The following PATJ variants were observed in gnomAD, a reference collection of about 807,000 sequenced individuals.
PATJ encodes inaD-like protein.
In PATJ, 190 loss-of-function variants were observed where a neutral mutation model predicts 224.9. That is an observed-to-expected ratio of 0.84 (90% CI 0.75 to 0.95). The LOEUF (loss-of-function observed/expected upper bound fraction) is 0.95. PATJ is among the 40% of genes least tolerant of loss of function. The pLI is 0.00. For synonymous variants in PATJ, 769 were observed against 820.3 expected (o/e 0.94, Z 1.07); for missense variants, 2,121 against 2,270.3 (o/e 0.93, Z 1.34).
chr1:62,087,148 T>TGGA (rs1388578321), intron 33 of PATJ, among the ~76,000 whole-genome samples: 1 of 151,530 alleles, frequency 6.6e-6, no homozygotes, highest in East Asian at 1.9e-4. Context: ...TGAAGGATGG[T>TGGA]GGAGAAGAAG....
At chr1:62,138,014 T>C (rs910756699) in intron 41 of PATJ, among the ~76,000 whole-genome samples, 1 of 152,024 alleles carries the variant, frequency 6.6e-6, no homozygotes, top group Non-Finnish European at 1.5e-5. Context: ...CTCCCCCTCT[T>C]TGGGTTGGGA....
chr1:62,132,032 G>A (rs1666320084), intron 41 of PATJ, among the ~76,000 whole-genome samples: 1 of 152,034 alleles, frequency 6.6e-6, no homozygotes, highest in Middle Eastern at 3.2e-3. Context: ...ATTTTCAGTA[G>A]AGATGGGATT....
rs536008608 is a variant in PATJ, at chr1:62,100,404, G to A, written c.4378-8033G>A. 3.8e-4 allele frequency: 273 copies of A among 718,356 alleles called. 2 individuals carry two copies. Among genetic ancestry groups the A allele is most frequent in the Non-Finnish European group, 5.7e-4 (219 of 384,998 alleles). 44.5% of individuals were successfully genotyped at this position (718,356 alleles called of 1,614,324 possible). A position where few individuals can be genotyped will look rare whatever the true frequency, so the allele number is the denominator to read the frequency against. On this transcript the variant is annotated intron_variant, in intron 33 of 43. Transcript: ENST00000642238. ...CATCATCCTGTGACAGAAGTTGAAG[G>A]GCAAGTGAGCACATGAGGCAGAGAG...
At chr1:61,916,368 A>T (rs549574930) in intron 26 of PATJ, among the ~76,000 whole-genome samples, 1 of 152,128 alleles carries the variant, frequency 6.6e-6, no homozygotes, top group East Asian at 1.9e-4. Flanking sequence ...TTCTATGTAG[A>T]TTTTTATTTT....
chr1:62,037,024 A>G (rs1019924826), intron 29 of PATJ, among the ~76,000 whole-genome samples: 1 of 152,152 alleles, frequency 6.6e-6, no homozygotes, highest in Non-Finnish European at 1.5e-5. Context: ...GGTGAAAAGT[A>G]AAGCATAAAA....
intron 39 of PATJ, among the ~76,000 whole-genome samples, chr1:62,123,469 C>CTTTTTT (rs34621846): frequency 4.6e-5 from 3 of 64,560 alleles, no homozygotes; most frequent in African/African-American, 2.0e-4. Context: ...CTATAAGTTT[C>CTTTTTT]TTTTTTTTTT....
chr1:61,983,808 T>C (rs1461691724), intron 27 of PATJ, among the ~76,000 whole-genome samples: 1 of 152,008 alleles, frequency 6.6e-6, no homozygotes, highest in East Asian at 1.9e-4. Context: ...AAGATACTTT[T>C]CAGCTAGGAC....
chr1:62,050,212 C>T (rs1339468604), intron 30 of PATJ, among the ~76,000 whole-genome samples: 2 of 151,280 alleles, frequency 1.3e-5, no homozygotes, highest in Non-Finnish European at 2.9e-5. Flanking sequence ...ACAAGATAAA[C>T]CCAGTCTCTT....
chr1:62,062,646 C>T (rs571999401), intron 31 of PATJ, among the ~76,000 whole-genome samples: 16 of 151,568 alleles, frequency 1.1e-4, no homozygotes, highest in African/African-American at 3.4e-4. Flanking sequence ...TATAGGCGCA[C>T]CACCACACTT....
In PATJ at chr1:61,787,875, T is replaced by C. The variant is rs1468315963; in HGVS notation, c.971T>C (p.Val324Ala). Residue 324 changes from valine (V) to alanine (A), a missense_variant, in exon 8 of 44, where the codon GTT becomes GCT. Val to Ala is a moderately conservative substitution (Grantham distance 64). Transcript: ENST00000642238. ...RNCGNSVRMLVARDPAGDISV... is the reference protein window; with the variant it reads ...RNCGNSVRMLAARDPAGDISV... The stretch of plus-strand genomic sequence containing the variant: ...TGTGGGAATTCAGTCAGGATGCTCG[T>C]TGCTAGAGATCCAGCTGGTGACATT... 1 of 1,614,146 alleles carries C rather than the reference T, an allele frequency of 6.2e-7. No homozygotes were observed. The highest frequency in any genetic ancestry group is 1.1e-5 in the South Asian group (1 of 91,078).
chr1:62,161,031 G>C lies in PATJ; in HGVS notation c.5626G>C (p.Val1876Leu). The C allele has an allele frequency of 1.3e-6, 2 of 1,588,932 alleles. No individual in the cohort carries two copies. Among genetic ancestry groups the C allele is most frequent in the Non-Finnish European group, 1.7e-6 (2 of 1,168,316 alleles). Residue 1876 changes from valine to leucine, a missense_variant, in exon 44 of 44, where the codon GTA becomes CTA. By Grantham distance (32) the Val-to-Leu change is conservative. Transcript: ENST00000642238. ...VAILKHQRGTVTLTVLS is the reference protein window; with the variant it reads ...VAILKHQRGTLTLTVLS Reference sequence around the variant, plus strand: ...CATTCTAAAACACCAGAGAGGGACTGTAACCTTAACTGTGCTGTCATGAGC... The same window carrying C: ...CATTCTAAAACACCAGAGAGGGACTCTAACCTTAACTGTGCTGTCATGAGC...
intron 20 of PATJ, among the ~76,000 whole-genome samples, chr1:61,871,063 G>GT (rs1666260690): frequency 8.6e-6 from 1 of 116,210 alleles, no homozygotes; most frequent in Non-Finnish European, 1.9e-5. Flanking sequence ...TTAAAGATTT[G>GT]GTTTTTGTTT....
rs1403729615 is a variant in PATJ at position 62,161,267 on chromosome 1, G to A, written c.*213G>A. On this transcript the variant is annotated 3_prime_UTR_variant, in exon 44 of 44. Coordinates refer to ENST00000642238, the MANE Select transcript of PATJ (RefSeq NM_001350145.3). ...TTCCCAGTTCCTGTCACCTGTTGGC[G>A]AGGTTGATTTCTAAAACTTAAATGA... 5.1e-5 allele frequency: 20 copies of A among 394,550 alleles called. No individual in the cohort carries two copies. Among genetic ancestry groups the A allele is most frequent in the Admixed American group, 1.7e-4 (4 of 23,010 alleles). The allele number at this position is 394,550 out of a possible 1,614,324, so 24.4% of individuals were successfully genotyped here.
intron 39 of PATJ, among the ~76,000 whole-genome samples, chr1:62,127,722 G>A (rs531513342): frequency 2.3e-4 from 35 of 152,158 alleles, no homozygotes; most frequent in Non-Finnish European, 3.2e-4. Context: ...CAGGAAAATC[G>A]CTTGAACCTG....
rs1270031707 is a variant in PATJ at position 62,128,170 on chromosome 1, G to A, written c.5166+76G>A. The stretch of plus-strand genomic sequence containing the variant: ...AGGAAGTTGCAGCCCTGGGCACCTT[G>A]TTTAAAGTTGGAATTCCAGTAGCCA... On this transcript the variant is annotated intron_variant, in intron 40 of 43. Transcript: ENST00000642238. 5.7e-6 allele frequency: 9 copies of A among 1,570,516 alleles called. No individual in the cohort carries two copies. In the Admixed American group the frequency reaches 1.6e-4, roughly 27 times the overall value.
At chr1:61,785,994 A>G (rs1370505163) in intron 7 of PATJ, among the ~76,000 whole-genome samples, 2 of 152,070 alleles carry the variant, frequency 1.3e-5, no homozygotes, top group African/African-American at 4.8e-5. Flanking sequence ...TTTTCTTTCA[A>G]CTCATCTGGA....
intron 30 of PATJ, among the ~76,000 whole-genome samples, chr1:62,045,828 G>C (rs1210325955): frequency 6.6e-6 from 1 of 152,060 alleles, no homozygotes; most frequent in African/African-American, 2.4e-5. Context: ...CAGACTCTTG[G>C]CTATTTTCCA....
chr1:61,814,816 A>G (rs1655775744), intron 14 of PATJ, among the ~76,000 whole-genome samples: 1 of 152,162 alleles, frequency 6.6e-6, no homozygotes, highest in Non-Finnish European at 1.5e-5. Flanking sequence ...AGAGGATAGT[A>G]AAGGTTGCCT....
intron 41 of PATJ, 74 bp from the exon 42 acceptor site, chr1:62,148,210 C>A: frequency 1.1e-6 from 1 of 948,312 alleles, no homozygotes; most frequent in Non-Finnish European, 1.7e-6. Flanking sequence ...GAGAACTGAC[C>A]CTTGGATACA....
Sources: allele counts gnomAD v4.1 joint callset (sites outside exome capture counted in the v4.1 genomes callset), GRCh38; gene constraint gnomAD v4.1.1; transcripts MANE v1.5; gene names NCBI Gene and HGNC (gene_info 2026-07-23, HGNC 2026-07-21).